The following INSYN1 variants were observed in gnomAD, a reference collection of about 807,000 sequenced individuals.
The protein encoded by INSYN1 is UPF0583 protein C15orf59.
INSYN1 carries 7 observed loss-of-function variants against 17.1 expected under a neutral mutation model. That is an observed-to-expected ratio of 0.41 (90% CI 0.23 to 0.77). INSYN1 has a LOEUF of 0.77. INSYN1 is among the 30% of genes least tolerant of loss of function. INSYN1 has a pLI of 0.32. For synonymous variants in INSYN1, 174 were observed against 166.3 expected (o/e 1.05, Z -0.36); for missense variants, 339 against 400.6 (o/e 0.85, Z 1.31).
In INSYN1 at chr15:73,751,064, C is replaced by A; in HGVS notation, c.67G>T (p.Glu23Ter). The change falls in exon 2 of 3, where the codon GAG becomes TAG. Residue 23 changes from glutamate (E) to a stop codon, truncating the protein, a stop_gained. Transcript: ENST00000569673. LOFTEE classifies it high-confidence loss of function. ...SDDPSSGGER[E>*]RIRQRMKMVI... ...ATCTTCATGCGCTGTCGAATCCGCT[C>A]CCGCTCACCACCACTGCTGGGGTCG... The A allele has an allele frequency of 6.2e-7, 1 of 1,614,096 alleles. No individual in the cohort carries two copies. Among genetic ancestry groups the A allele is most frequent in the Non-Finnish European group, 8.5e-7 (1 of 1,180,034 alleles).
rs1902044747 is a variant in INSYN1 at position 73,753,254 on chromosome 15, C to CGCCCCGCCG, written c.-1713_-1712insCGGCGGGGC. On this transcript the variant is annotated 5_prime_UTR_variant, in exon 1 of 3. Coordinates refer to ENST00000569673, the MANE Select transcript of INSYN1 (RefSeq NM_001039614.3). The surrounding 1 kb of genome is among the most constrained non-coding windows in gnomAD (Gnocchi z 4.2). ...CGGCCGCCCCCGGCCCGCCCCGCCG[C>CGCCCCGCCG]CCCCCGCCGGACTGGCCGCCCGGGC... Among the ~76,000 whole-genome samples, 1 of 146,718 alleles carries CGCCCCGCCG rather than the reference C, an allele frequency of 6.8e-6. No homozygotes were observed. Among genetic ancestry groups the CGCCCCGCCG allele is most frequent in the Non-Finnish European group, 1.5e-5 (1 of 66,162 alleles).
intron 2 of INSYN1, among the ~76,000 whole-genome samples, chr15:73,745,079 G>A (rs545294539): frequency 1.3e-5 from 2 of 152,170 alleles, no homozygotes; most frequent in East Asian, 1.9e-4. Flanking sequence ...AGCGCCCCTC[G>A]CTGAAAAACT....
At position 73,740,229 on chromosome 15, in the gene INSYN1, G is replaced by A. The variant is rs906921128; in HGVS notation, c.570C>T (p.Asp190=). The change falls in exon 3 of 3, where the codon GAC becomes GAT. Residue 190 remains aspartate, a synonymous_variant. Transcript: ENST00000569673. The part of the protein sequence containing the change: ...PGTRERVRFS[D]KVLYHALCCD... ...AGCACAGAGCATGGTAGAGCACTTT[G>A]TCACTGAACCGCACCCTCTCCCGTG... is the stretch of plus-strand genomic sequence containing the variant. 9.3e-6 allele frequency: 15 copies of A among 1,613,928 alleles called. No individual in the cohort carries two copies. The African/African-American group carries it at 1.2e-4, about 13-fold the overall frequency.
chr15:73,753,336 T>C lies in INSYN1; in HGVS notation c.-1794A>G, dbSNP rs1386585593. On this transcript the variant is annotated 5_prime_UTR_variant, in exon 1 of 3. Transcript: ENST00000569673. The surrounding 1 kb of genome is among the most constrained non-coding windows in gnomAD (Gnocchi z 4.2). ...CGCTTGGCTCCGCTTGCCTCGGCGC[T>C]GTCAGGGAAGGGGCCGGCCCGCCGC... Among the ~76,000 whole-genome samples, 2 of 150,342 alleles carry C rather than the reference T, an allele frequency of 1.3e-5. No homozygotes were observed. Among genetic ancestry groups the C allele is most frequent in the African/African-American group, 2.4e-5 (1 of 40,936 alleles).
chr15:73,741,882 G>T (rs1444500677), intron 2 of INSYN1, among the ~76,000 whole-genome samples: 1 of 152,200 alleles, frequency 6.6e-6, no homozygotes, highest in Non-Finnish European at 1.5e-5. Context: ...AAGGAGTGGG[G>T]GTAGTGAGTG....
In INSYN1 at chr15:73,735,626, G is replaced by A. The variant is rs1901505013; in HGVS notation, c.*4291C>T. 1 of 152,112 alleles carries A rather than the reference G, an allele frequency of 6.6e-6. No individual in the cohort carries two copies. The highest frequency in any genetic ancestry group is 2.4e-5 in the African/African-American group (1 of 41,410). 9.4% of individuals were successfully genotyped at this position (152,112 alleles called of 1,614,324 possible). On this transcript the variant is annotated 3_prime_UTR_variant, in exon 3 of 3. Coordinates refer to ENST00000569673, the MANE Select transcript of INSYN1 (RefSeq NM_001039614.3). ...ACCCCGAAGACCCGCCTGGCTCTCAGACGACCCAGCCCCGACCCTCACCTC... is the reference window on the plus strand; with the variant it reads ...ACCCCGAAGACCCGCCTGGCTCTCAAACGACCCAGCCCCGACCCTCACCTC...
chr15:73,751,336 G>C lies in INSYN1; in HGVS notation c.-206C>G. On this transcript the variant is annotated 5_prime_UTR_variant, in exon 2 of 3. Transcript: ENST00000569673. ...CTGGGTGGAGAGTGGGACACCCAGA[G>C]GGAGACAGAGTCTAGCAGAGGGGGT... The C allele has an allele frequency of 1.7e-6, 1 of 591,532 alleles. No homozygotes were observed. Among genetic ancestry groups the C allele is most frequent in the Non-Finnish European group, 3.0e-6 (1 of 333,650 alleles). 36.6% of individuals were successfully genotyped at this position (591,532 alleles called of 1,614,324 possible).
intron 2 of INSYN1, among the ~76,000 whole-genome samples, chr15:73,743,019 C>A (rs2141466216): frequency 6.6e-6 from 1 of 152,344 alleles, no homozygotes; most frequent in East Asian, 1.9e-4. Context: ...GCATTGATGG[C>A]CTCAGGAGAG....
rs2141459423 is a variant in INSYN1 at position 73,737,062 on chromosome 15, G to C, written c.*2855C>G. On this transcript the variant is annotated 3_prime_UTR_variant, in exon 3 of 3. Coordinates refer to ENST00000569673, the MANE Select transcript of INSYN1 (RefSeq NM_001039614.3). ...ATACTCCCACCACTGCCCTATTTGG[G>C]GGCAAATGGCCAGGCAGGGGAGCAG... The C allele has an allele frequency of 6.6e-6, 1 of 152,486 alleles. No homozygotes were observed. The highest frequency in any genetic ancestry group is 2.1e-4 in the South Asian group (1 of 4,820). 9.4% of individuals were successfully genotyped at this position (152,486 alleles called of 1,614,324 possible).
chr15:73,746,913 A>G (rs1327637275), intron 2 of INSYN1, among the ~76,000 whole-genome samples: 4 of 152,116 alleles, frequency 2.6e-5, no homozygotes, highest in Admixed American at 2.6e-4. Context: ...ACAGGGGAGC[A>G]GTGGGGAGGC....
Position 73,753,230 on chromosome 15 carries a change from GGCCGCCCCCGGCCCGCCCC to G in INSYN1, c.-1707_-1689del, listed in dbSNP as rs1034586352. Among the ~76,000 whole-genome samples the G allele has an allele frequency of 1.4e-5, 2 of 145,374 alleles. No individual in the cohort carries two copies. The highest frequency in any genetic ancestry group is 2.5e-5 in the African/African-American group (1 of 40,614). On this transcript the variant is annotated 5_prime_UTR_variant, in exon 1 of 3. Coordinates refer to ENST00000569673, the MANE Select transcript of INSYN1 (RefSeq NM_001039614.3). The surrounding 1 kb of genome is among the most constrained non-coding windows in gnomAD (Gnocchi z 4.2). ...CGCGGCGCCGCGCCGCCCGCGCCCCGGCCGCCCCCGGCCCGCCCCGCCGCCCCCCGCCGGACTGGCCGCC... is the reference window on the plus strand; with the variant it reads ...CGCGGCGCCGCGCCGCCCGCGCCCCGGCCGCCCCCCGCCGGACTGGCCGCC...
chr15:73,744,907 G>A (rs1901783299), intron 2 of INSYN1, among the ~76,000 whole-genome samples: 1 of 141,584 alleles, frequency 7.1e-6, no homozygotes, highest in Non-Finnish European at 1.5e-5. Context: ...GGACCAGAGG[G>A]TGAGTCTTGA....
intron 1 of INSYN1, among the ~76,000 whole-genome samples, 157 bp downstream of exon 1, chr15:73,751,953 C>T (rs527616902): frequency 2.0e-5 from 3 of 150,598 alleles, no homozygotes; most frequent in Admixed American, 6.6e-5. Context: ...CCCTCCCCCC[C>T]CACCTTCCCC....
At chr15:73,743,114 C>T (rs1043507587) in intron 2 of INSYN1, among the ~76,000 whole-genome samples, 3 of 152,196 alleles carry the variant, frequency 2.0e-5, no homozygotes, top group African/African-American at 7.2e-5. Flanking sequence ...TGCCTGAGGG[C>T]GGGGCAGAAT....
Position 73,737,112 on chromosome 15 carries a change from C to G in INSYN1, c.*2805G>C, listed in dbSNP as rs1343799859. On this transcript the variant is annotated 3_prime_UTR_variant, in exon 3 of 3. Coordinates refer to ENST00000569673, the MANE Select transcript of INSYN1 (RefSeq NM_001039614.3). ...GGGGGCGACTGATGGACATTAGCCA[C>G]TACTACAGAGTCACATAGAGCCAGT... The G allele has an allele frequency of 6.6e-6, 1 of 152,282 alleles. No homozygotes were observed. Among genetic ancestry groups the G allele is most frequent in the Non-Finnish European group, 1.5e-5 (1 of 68,106 alleles). The allele number at this position is 152,282 out of a possible 1,614,324, so 9.4% of individuals were successfully genotyped here. A position where few individuals can be genotyped will look rare whatever the true frequency, so the allele number is the denominator to read the frequency against.
chr15:73,750,962 A>AC lies in INSYN1; in HGVS notation c.156+12dup. On this transcript the variant is annotated intron_variant, in intron 2 of 2. Transcript: ENST00000569673. ...CTTAGGGTCTGTCTGGTCCCTCCTC[A>AC]CCCCTCACTTACCTCCCTCAGCTCC... The AC allele has an allele frequency of 6.2e-7, 1 of 1,613,590 alleles. No homozygotes were observed. The highest frequency in any genetic ancestry group is 8.5e-7 in the Non-Finnish European group (1 of 1,179,890).
At position 73,750,109 on chromosome 15, in the gene INSYN1, G is replaced by T. The variant is rs557302028; in HGVS notation, c.156+866C>A. Among the ~76,000 whole-genome samples the T allele has an allele frequency of 7.2e-5, 11 of 152,346 alleles. No homozygotes were observed. The South Asian group carries it at 2.3e-3, about 32-fold the overall frequency. On this transcript the variant is annotated intron_variant, in intron 2 of 2. Coordinates refer to ENST00000569673, the MANE Select transcript of INSYN1 (RefSeq NM_001039614.3). ...AATTTGCCTAAAGCCCACCTGGCTG[G>T]TATAATGGCACCCAGTGGGCAAATT...
rs933393304 is a variant in INSYN1 at position 73,753,253 on chromosome 15, GC to G, written c.-1712del. On this transcript the variant is annotated 5_prime_UTR_variant, in exon 1 of 3. Coordinates refer to ENST00000569673, the MANE Select transcript of INSYN1 (RefSeq NM_001039614.3). The surrounding 1 kb of genome is among the most constrained non-coding windows in gnomAD (Gnocchi z 4.2). ...CCGGCCGCCCCCGGCCCGCCCCGCC[GC>G]CCCCCGCCGGACTGGCCGCCCGGGC... is the stretch of plus-strand genomic sequence containing the variant. 1.2e-4 allele frequency among the ~76,000 whole-genome samples: 17 copies of G among 146,602 alleles called. No homozygotes were observed. The highest frequency in any genetic ancestry group is 1.8e-4 in the Non-Finnish European group (12 of 66,066).
At position 73,735,954 on chromosome 15, in the gene INSYN1, T is replaced by G. The variant is rs1347486797; in HGVS notation, c.*3963A>C. 1 of 152,458 alleles carries G rather than the reference T, an allele frequency of 6.6e-6. No homozygotes were observed. Among genetic ancestry groups the G allele is most frequent in the African/African-American group, 2.4e-5 (1 of 41,448 alleles). 9.4% of individuals were successfully genotyped at this position (152,458 alleles called of 1,614,324 possible). On this transcript the variant is annotated 3_prime_UTR_variant, in exon 3 of 3. Transcript: ENST00000569673. ...GTTATTCATCATGCTATGACTTCTC[T>G]CCATCACCAGGTTCCAGCTCCCTTC...
Sources: allele counts gnomAD v4.1 joint callset (sites outside exome capture counted in the v4.1 genomes callset), GRCh38; gene constraint gnomAD v4.1.1; non-coding constraint Gnocchi (gnomAD v3.1); transcripts MANE v1.5; gene names NCBI Gene and HGNC (gene_info 2026-07-23, HGNC 2026-07-21).